The following RSU1 variants were observed in gnomAD, a reference collection of about 807,000 sequenced individuals.
RSU1 encodes the protein Ras suppressor protein 1, also known as rsu-1.
A neutral mutation model predicts 31.1 loss-of-function variants in RSU1; 26 were observed. The observed-to-expected ratio is 0.84, with a 90% confidence interval of 0.61 to 1.16. The LOEUF (loss-of-function observed/expected upper bound fraction) is 1.16. Ranked by LOEUF, RSU1 falls within the 50% of genes most tolerant of loss-of-function variation. RSU1 has a pLI of 0.00. For missense variants in RSU1, 320 were observed against 339.1 expected (o/e 0.94, Z 0.44); for synonymous variants, 164 against 136.3 (o/e 1.20, Z -1.41).
At chr10:16,793,842 G>T (rs568968667) in intron 2 of RSU1, among the ~76,000 whole-genome samples, 89 of 151,390 alleles carry the variant, frequency 5.9e-4, no homozygotes, top group African/African-American at 2.1e-3. Flanking sequence ...TTGTCAACTT[G>T]ACTGGGCTAC....
chr10:16,799,772 C>T (rs1001052733), intron 2 of RSU1, among the ~76,000 whole-genome samples: 1 of 152,142 alleles, frequency 6.6e-6, no homozygotes, highest in Non-Finnish European at 1.5e-5. Context: ...GCCTGACCAA[C>T]AGGAACTGAT....
At chr10:16,637,565 G>A (rs1834364933) in intron 8 of RSU1, among the ~76,000 whole-genome samples, 1 of 151,804 alleles carries the variant, frequency 6.6e-6, no homozygotes, top group Non-Finnish European at 1.5e-5. Context: ...GATGATCTGT[G>A]TAAGACACAA....
intron 4 of RSU1, among the ~76,000 whole-genome samples, chr10:16,761,831 C>T (rs955530326): frequency 2.0e-5 from 3 of 152,012 alleles, no homozygotes; most frequent in Admixed American, 6.6e-5. Context: ...ACTCCAGCCT[C>T]GACGACAGAG....
intron 2 of RSU1, among the ~76,000 whole-genome samples, chr10:16,793,564 A>T (rs1837970016): frequency 6.6e-6 from 1 of 152,168 alleles, no homozygotes; most frequent in Admixed American, 6.5e-5. Flanking sequence ...TTTTTGCTCC[A>T]GGAAAAAATA....
intron 8 of RSU1, among the ~76,000 whole-genome samples, chr10:16,609,047 A>C (rs1833851700): frequency 6.6e-6 from 1 of 151,070 alleles, no homozygotes; most frequent in Non-Finnish European, 1.5e-5. Context: ...TGCCCAGGCT[A>C]ATATAGAACT....
intron 8 of RSU1, among the ~76,000 whole-genome samples, chr10:16,673,613 G>A (rs1835162989): frequency 6.6e-6 from 1 of 152,210 alleles, no homozygotes; most frequent in Admixed American, 6.5e-5. Context: ...GATCATGCCT[G>A]ACTGGCGCTG....
At chr10:16,755,707 T>C (rs1837071195) in intron 4 of RSU1, among the ~76,000 whole-genome samples, 1 of 152,156 alleles carries the variant, frequency 6.6e-6, no homozygotes, top group South Asian at 2.1e-4. Flanking sequence ...AACTTATTTC[T>C]CCTAACTAAA....
intron 8 of RSU1, among the ~76,000 whole-genome samples, chr10:16,610,113 T>G (rs1833868663): frequency 5.3e-5 from 8 of 152,222 alleles, no homozygotes; most frequent in Admixed American, 5.2e-4. Flanking sequence ...TGTAATTTGA[T>G]GATGAATAAT....
At chr10:16,806,297 G>A (rs565174664) in intron 2 of RSU1, among the ~76,000 whole-genome samples, 9 of 152,278 alleles carry the variant, frequency 5.9e-5, no homozygotes, top group East Asian at 5.8e-4. Flanking sequence ...CAGCATGCTC[G>A]CTGAATTAGC....
chr10:16,726,101 G>T (rs545703692), intron 7 of RSU1, among the ~76,000 whole-genome samples: 36 of 151,810 alleles, frequency 2.4e-4, no homozygotes, highest in African/African-American at 8.2e-4. Context: ...ATTTTAGGAA[G>T]TAATAGCTTA....
At chr10:16,751,582 G>T (rs1588512016) in intron 7 of RSU1, among the ~76,000 whole-genome samples, 1 of 152,126 alleles carries the variant, frequency 6.6e-6, no homozygotes, top group African/African-American at 2.4e-5. Flanking sequence ...AATTCATTCA[G>T]TCAGTGTTTT....
At chr10:16,648,137 T>G (rs1036240155) in intron 8 of RSU1, among the ~76,000 whole-genome samples, 1 of 137,750 alleles carries the variant, frequency 7.3e-6, no homozygotes, top group African/African-American at 3.5e-5. Flanking sequence ...AAAAAATTTT[T>G]TTTTTTTTTT....
chr10:16,665,434 T>C (rs375414687), intron 8 of RSU1, among the ~76,000 whole-genome samples: 6 of 152,300 alleles, frequency 3.9e-5, no homozygotes, highest in East Asian at 3.9e-4. Context: ...ACCACCCAAA[T>C]ACACTGTTAA....
At chr10:16,806,653 ATCC>A (rs1392442348) in intron 2 of RSU1, among the ~76,000 whole-genome samples, 3 of 152,216 alleles carry the variant, frequency 2.0e-5, no homozygotes, top group Non-Finnish European at 4.4e-5. Flanking sequence ...TATTATTTTC[ATCC>A]TCCTAACAAA....
intron 2 of RSU1, among the ~76,000 whole-genome samples, chr10:16,783,498 G>T: frequency 6.6e-6 from 1 of 151,730 alleles, no homozygotes; most frequent in East Asian, 1.9e-4. Flanking sequence ...TAGGACTACA[G>T]GTGCGTGCCA....
intron 2 of RSU1, among the ~76,000 whole-genome samples, chr10:16,801,807 T>C (rs139279262): frequency 6.6e-6 from 1 of 152,086 alleles, no homozygotes; most frequent in African/African-American, 2.4e-5. Flanking sequence ...TGTCAAAAAA[T>C]TTTTAAAAAT....
chr10:16,720,900 C>G (rs1029749768), intron 7 of RSU1, among the ~76,000 whole-genome samples: 4 of 152,138 alleles, frequency 2.6e-5, no homozygotes, highest in African/African-American at 9.7e-5. Context: ...GTGGGAGGAT[C>G]ACCTGAGCCC....
intron 3 of RSU1, among the ~76,000 whole-genome samples, chr10:16,771,174 A>T (rs998671884): frequency 1.3e-5 from 2 of 152,190 alleles, no homozygotes; most frequent in Non-Finnish European, 2.9e-5. Context: ...TACTAAAAAC[A>T]TGAGAATAGG....
At chr10:16,700,795 A>T (rs987900220) in intron 7 of RSU1, among the ~76,000 whole-genome samples, 9 of 152,206 alleles carry the variant, frequency 5.9e-5, no homozygotes, top group African/African-American at 2.2e-4. Flanking sequence ...CCAGGTGATA[A>T]GCAGAATAAT....
Sources: gnomAD v4.1 joint callset for allele counts (sites outside exome capture counted in the v4.1 genomes callset) on GRCh38, gnomAD v4.1.1 for gene constraint, MANE v1.5 for transcripts, NCBI Gene and HGNC (gene_info 2026-07-23, HGNC 2026-07-21) for gene names.